The following PMFBP1 variants were observed in gnomAD, a reference collection of about 807,000 sequenced individuals.
The protein encoded by PMFBP1 is polyamine-modulated factor 1-binding protein 1.
A neutral mutation model predicts 137.8 loss-of-function variants in PMFBP1; 131 were observed. The observed-to-expected ratio is 0.95, with a 90% CI of 0.82 to 1.10. The LOEUF (loss-of-function observed/expected upper bound fraction) is 1.10, where lower values mean the gene tolerates loss of function less well. Among genes scored for constraint, PMFBP1 ranks in the 50% least tolerant of loss-of-function variants. The pLI is 0.00. For missense variants in PMFBP1, 1,199 were observed against 1,175.4 expected (o/e 1.02, Z -0.29); for synonymous variants, 490 against 450.4 (o/e 1.09, Z -1.11).
intron 3 of PMFBP1, among the ~76,000 whole-genome samples, chr16:72,162,681 C>G (rs1324755681): frequency 6.6e-6 from 1 of 152,232 alleles, no homozygotes; most frequent in Admixed American, 6.5e-5. Context: ...GAAAAAAGAG[C>G]TCGCTTTAAA....
rs1174410293 is a variant in PMFBP1 at position 72,157,277 on chromosome 16, T to C, written c.166-2818A>G. Among the ~76,000 whole-genome samples, 3 of 148,144 alleles carry C rather than the reference T, an allele frequency of 2.0e-5. No individual in the cohort carries two copies. In the Admixed American group the frequency reaches 2.0e-4, roughly 10 times the overall value. On this transcript the variant is annotated intron_variant, in intron 3 of 20. Coordinates refer to ENST00000237353, the MANE Select transcript of PMFBP1 (RefSeq NM_031293.3). Reference sequence around the variant, plus strand: ...GGGGAGAGCGAAAACTAAGCAAGTATATATGTAGTGTATTAGAAGGACAAA... The same window carrying C: ...GGGGAGAGCGAAAACTAAGCAAGTACATATGTAGTGTATTAGAAGGACAAA...
downstream of PMFBP1, among the ~76,000 whole-genome samples, chr16:72,116,834 C>CT (rs2042313271): frequency 6.6e-6 from 1 of 152,010 alleles, no homozygotes; most frequent in South Asian, 2.1e-4. Flanking sequence ...TTCTGGGATT[C>CT]TTTCTAGTCT....
chr16:72,124,394 C>G (rs1485174321), intron 17 of PMFBP1, among the ~76,000 whole-genome samples: 1 of 152,226 alleles, frequency 6.6e-6, no homozygotes, highest in East Asian at 1.9e-4. Context: ...CTTCACTGCT[C>G]AGGGAGGTGG....
At chr16:72,164,346 C>G in intron 3 of PMFBP1, 1 of 1,212,232 alleles carries the variant, frequency 8.2e-7, no homozygotes, top group Non-Finnish European at 1.1e-6. Flanking sequence ...TAAAGACCCC[C>G]TGCTACCCCA....
the PMFBP1 span, among the ~76,000 whole-genome samples, chr16:72,205,049 C>G: frequency 6.6e-6 from 1 of 152,176 alleles, no homozygotes; most frequent in Admixed American, 6.5e-5. Flanking sequence ...CTGCCATGGA[C>G]AGGATGACAG....
chr16:72,157,554 G>A (rs2043001428), intron 3 of PMFBP1, among the ~76,000 whole-genome samples: 1 of 152,114 alleles, frequency 6.6e-6, no homozygotes, highest in African/African-American at 2.4e-5. Flanking sequence ...AGCAGAGACA[G>A]TAAGGGGGAA....
intron 7 of PMFBP1, 124 bp from the exon 8 acceptor site, chr16:72,136,943 G>A (rs542645406): frequency 1.5e-6 from 2 of 1,317,548 alleles, no homozygotes; most frequent in Admixed American, 2.0e-5. Flanking sequence ...GGCTGCTGGG[G>A]GCCAGGGGAT....
intron 20 of PMFBP1, 193 bp from the exon 21 acceptor site, chr16:72,119,547 G>C (rs368046326): frequency 6.9e-7 from 1 of 1,458,892 alleles, no homozygotes; most frequent in Non-Finnish European, 9.0e-7. Context: ...GTGCTCTTAC[G>C]GGGTTTCCAG....
the PMFBP1 span, among the ~76,000 whole-genome samples, chr16:72,240,134 G>A: frequency 1.3e-5 from 2 of 152,244 alleles, no homozygotes; most frequent in East Asian, 1.9e-4. Context: ...AGTTATAGAT[G>A]CAAAAATACC....
chr16:72,220,575 T>C, the PMFBP1 span, among the ~76,000 whole-genome samples: 1 of 152,174 alleles, frequency 6.6e-6, no homozygotes, highest in Non-Finnish European at 1.5e-5. Context: ...ATTTTCTATA[T>C]AAACATTTAA....
At position 72,154,290 on chromosome 16, in the gene PMFBP1, C is replaced by A. The variant is rs142589139; in HGVS notation, c.335G>T (p.Arg112Leu). The A allele has an allele frequency of 1.2e-6, 2 of 1,614,030 alleles. No homozygotes were observed. Among genetic ancestry groups the A allele is most frequent in the Non-Finnish European group, 1.7e-6 (2 of 1,179,994 alleles). ...EELQTSYYSL[R>L]QYQSILEKQT... is the part of the protein sequence containing the mutation. ...CTTCTCTAGGATGGACTGATACTGG[C>A]GGAGAGAATAGTAAGAAGTCTGCAA... Residue 112 changes from arginine to leucine, a missense_variant, in exon 4 of 21, where the codon CGC becomes CTC. Transcript: ENST00000237353.
At chr16:72,181,801 A>T (rs1365025745), upstream of PMFBP1, among the ~76,000 whole-genome samples, 2 of 152,192 alleles carry the variant, frequency 1.3e-5, no homozygotes, top group Admixed American at 1.3e-4. Context: ...TTAGTTAAAT[A>T]AATGTTTATA....
At chr16:72,123,902 C>T (rs1487969245) in intron 17 of PMFBP1, among the ~76,000 whole-genome samples, 5 of 152,182 alleles carry the variant, frequency 3.3e-5, no homozygotes, top group South Asian at 2.1e-4. Context: ...CTTATAATCA[C>T]GGTTTTCAGT....
At chr16:72,140,356 T>G (rs2042698077) in intron 6 of PMFBP1, 56 bp downstream of exon 6, 10 of 1,499,054 alleles carry the variant, frequency 6.7e-6, no homozygotes, top group Non-Finnish European at 9.2e-6. Context: ...CTCCTTTCTC[T>G]CCCCATGTCT....
chr16:72,186,720 G>T, the PMFBP1 span, among the ~76,000 whole-genome samples: 1 of 152,172 alleles, frequency 6.6e-6, no homozygotes, highest in Non-Finnish European at 1.5e-5. Context: ...TGAGCAGAGT[G>T]ATAGGTGTGA....
chr16:72,162,018 G>A (rs555057847), intron 3 of PMFBP1, among the ~76,000 whole-genome samples: 1 of 152,188 alleles, frequency 6.6e-6, no homozygotes, highest in Non-Finnish European at 1.5e-5. Context: ...CTGAATATCA[G>A]GGCATGCACC....
chr16:72,157,527 C>CT (rs987171560), intron 3 of PMFBP1, among the ~76,000 whole-genome samples: 15 of 151,852 alleles, frequency 9.9e-5, no homozygotes, highest in African/African-American at 3.1e-4. Flanking sequence ...GTTGCAGCCA[C>CT]TTTTTTTTCT....
chr16:72,195,082 T>G, the PMFBP1 span, among the ~76,000 whole-genome samples: 1 of 152,194 alleles, frequency 6.6e-6, no homozygotes, highest in African/African-American at 2.4e-5. Flanking sequence ...GGGTCTCCCT[T>G]GACAGAGAAC....
chr16:72,227,327 C>A, the PMFBP1 span, among the ~76,000 whole-genome samples: 1 of 152,200 alleles, frequency 6.6e-6, no homozygotes, highest in African/African-American at 2.4e-5. Flanking sequence ...GTGAGAATGA[C>A]TGATGACAGC....
Sources: allele counts gnomAD v4.1 joint callset (sites outside exome capture counted in the v4.1 genomes callset), GRCh38; gene constraint gnomAD v4.1.1; transcripts MANE v1.5; gene names NCBI Gene and HGNC (gene_info 2026-07-23, HGNC 2026-07-21).